ZNF850: variants seen among roughly 807,000 people sequenced by gnomAD.
ZNF850 encodes putative zinc finger protein ENSP00000330994.
A neutral mutation model predicts 11.9 loss-of-function variants in ZNF850; 2 were observed. The ratio of observed to expected loss-of-function variants is 0.17; its 90% CI spans 0.07 to 0.53. The LOEUF (loss-of-function observed/expected upper bound fraction) is 0.53. Ranked by LOEUF, ZNF850 falls within the 20% of genes least tolerant of loss-of-function variation. The probability of loss-of-function intolerance (pLI) is 0.94; values close to 1 mark genes in which losing one functional copy is unlikely to be tolerated. For missense variants in ZNF850, 1,014 were observed against 1,316.4 expected (o/e 0.77, Z 3.55); for synonymous variants, 381 against 443.0 (o/e 0.86, Z 1.76).
At chr19:36,769,322 T>C (rs1199248972) in intron 1 of ZNF850, among the ~76,000 whole-genome samples, 4 of 141,600 alleles carry the variant, frequency 2.8e-5, no homozygotes, top group African/African-American at 1.1e-4. Flanking sequence ...AAATCAGTGA[T>C]AGGTGAGGCA....
At chr19:36,771,733 C>T (rs1252818532) in intron 1 of ZNF850, among the ~76,000 whole-genome samples, 1 of 152,210 alleles carries the variant, frequency 6.6e-6, no homozygotes, top group Non-Finnish European at 1.5e-5. Context: ...CCAAGCTGCA[C>T]CGTTTCGTAA....
rs1035221293 is a variant in ZNF850, at chr19:36,745,260, T to A, written c.*2507A>T. 6.6e-6 allele frequency: 1 copy of A among 152,090 alleles called. No individual in the cohort carries two copies. The highest frequency in any genetic ancestry group is 1.5e-5 in the Non-Finnish European group (1 of 68,024). The allele number at this position is 152,090 out of a possible 1,614,324, so 9.4% of individuals were successfully genotyped here. A position where few individuals can be genotyped will look rare whatever the true frequency, so the allele number is the denominator to read the frequency against. On this transcript the variant is annotated 3_prime_UTR_variant, in exon 5 of 5. Transcript: ENST00000591344. ...AATCAACAGATATGTTTTAGAGAAGTGTTAAATTTTTTAAACGCAAGTGTA... is the reference window on the plus strand; with the variant it reads ...AATCAACAGATATGTTTTAGAGAAGAGTTAAATTTTTTAAACGCAAGTGTA...
rs529897391 is a variant in ZNF850, at chr19:36,763,235, A to G, written c.-69-560T>C. Among the ~76,000 whole-genome samples, 12 of 152,134 alleles carry G rather than the reference A, an allele frequency of 7.9e-5. No homozygotes were observed. In the East Asian group the frequency reaches 1.4e-3, roughly 17 times the overall value. ...AAGACAGGATCTTTCAAAAATATCT[A>G]CAAAAAGTTTAAAAACCTCTATTGG... On this transcript the variant is annotated intron_variant, in intron 1 of 4. Transcript: ENST00000591344.
rs936036043 is a variant in ZNF850, at chr19:36,749,972, C to T, written c.1068G>A (p.Gln356=). 2 of 1,564,072 alleles carry T rather than the reference C, an allele frequency of 1.3e-6. No individual in the cohort carries two copies. The highest frequency in any genetic ancestry group is 2.7e-5 in the African/African-American group (2 of 73,536). Reference sequence around the variant, plus strand: ...AGGGTTTCTCACCAGTGTGAATTCGCTGATGTCGAATTAGTGCTGAGCCTG... The same window carrying T: ...AGGGTTTCTCACCAGTGTGAATTCGTTGATGTCGAATTAGTGCTGAGCCTG... ...FASGSALIRH[Q]RIHTGEKPYD... The change falls in exon 5 of 5, where the codon CAG becomes CAA. Residue 356 remains glutamine, a synonymous_variant. Coordinates refer to ENST00000591344, the MANE Select transcript of ZNF850 (RefSeq NM_001193552.2).
chr19:36,769,544 G>A (rs377084725), intron 1 of ZNF850, among the ~76,000 whole-genome samples: 47 of 152,024 alleles, frequency 3.1e-4, no homozygotes, highest in African/African-American at 1.1e-3. Context: ...AGGCTGCAAT[G>A]AGCCGAGATC....
Position 36,745,660 on chromosome 19 carries a change from A to G in ZNF850, c.*2107T>C, listed in dbSNP as rs1375065722. On this transcript the variant is annotated 3_prime_UTR_variant, in exon 5 of 5. Coordinates refer to ENST00000591344, the MANE Select transcript of ZNF850 (RefSeq NM_001193552.2). ...GCCATTGCACTCCAGCCTGGGCAAC[A>G]AGAGCAAAACTCCATCTCAAAAAAA... 2.0e-5 allele frequency: 3 copies of G among 147,386 alleles called. No homozygotes were observed. The highest frequency in any genetic ancestry group is 7.6e-5 in the African/African-American group (3 of 39,298). 9.1% of individuals were successfully genotyped at this position (147,386 alleles called of 1,614,324 possible).
rs1262096032 is a variant in ZNF850, at chr19:36,762,627, GCAAACCT to G, written c.-28_-22del. 3.3e-6 allele frequency: 5 copies of G among 1,535,702 alleles called. No individual in the cohort carries two copies. The highest frequency in any genetic ancestry group is 1.7e-4 in the Middle Eastern group (1 of 5,984). ...TTCATGAATATTCCTGTTGCAGCCA[GCAAACCT>G]CCTTCATAGAATGGGACATTCCGAA... On this transcript the variant is annotated 5_prime_UTR_variant, in exon 2 of 5. Transcript: ENST00000591344.
At chr19:36,765,421 T>C (rs1323530621) in intron 1 of ZNF850, among the ~76,000 whole-genome samples, 1 of 152,160 alleles carries the variant, frequency 6.6e-6, no homozygotes, top group Non-Finnish European at 1.5e-5. Context: ...GTTTTCTGAA[T>C]ATTACCTTAC....
At chr19:36,763,267 G>A (rs1214481659) in intron 1 of ZNF850, among the ~76,000 whole-genome samples, 6 of 152,126 alleles carry the variant, frequency 3.9e-5, no homozygotes, top group African/African-American at 9.7e-5. Context: ...TTGGCTGGGC[G>A]CGGTGGCTCA....
At position 36,749,490 on chromosome 19, in the gene ZNF850, C is replaced by A. The variant is rs764886973; in HGVS notation, c.1550G>T (p.Gly517Val). The change falls in exon 5 of 5, where the codon GGC becomes GTC. Residue 517 changes from glycine to valine, a missense_variant. Transcript: ENST00000591344. ...TCGCTGATGTTGAAGTAGTGCTGAG[C>A]CAGAAGCAAAAGATTTTCCACATTC... is the stretch of plus-strand genomic sequence containing the variant. ...CKECGKSFAS[G>V]SALLQHQRIH... 1.9e-6 allele frequency: 3 copies of A among 1,546,834 alleles called. No individual in the cohort carries two copies. In the Admixed American group the frequency reaches 5.8e-5, roughly 30 times the overall value.
At chr19:36,771,805 G>A (rs2040585936) in intron 1 of ZNF850, among the ~76,000 whole-genome samples, 1 of 152,196 alleles carries the variant, frequency 6.6e-6, no homozygotes, top group Non-Finnish European at 1.5e-5. Flanking sequence ...TGGGCTGTGC[G>A]AAACATCCTT....
Position 36,748,765 on chromosome 19 carries a change from A to C in ZNF850, c.2275T>G (p.Cys759Gly), listed in dbSNP as rs1040128499. The C allele has an allele frequency of 8.4e-6, 13 of 1,550,794 alleles. No homozygotes were observed. The highest frequency in any genetic ancestry group is 4.3e-6 in the Non-Finnish European group (5 of 1,153,160). ...GTAAAAGATTTCCCACATTCCTTAC[A>C]ATCATAGGGTTTCTCACCAGTGTGA... ...QIHTGEKPYD[C>G]KECGKSFTSH... is the part of the protein sequence containing the mutation. Residue 759 changes from cysteine to glycine, a missense_variant, in exon 5 of 5, where the codon TGT (cysteine) becomes GGT (glycine). Cys to Gly is a radical substitution (Grantham distance 159). Transcript: ENST00000591344.
intron 1 of ZNF850, among the ~76,000 whole-genome samples, chr19:36,765,911 A>C (rs984083231): frequency 1.5e-5 from 2 of 137,612 alleles, no homozygotes; most frequent in Non-Finnish European, 3.1e-5. Context: ...ATTTTTTGAG[A>C]CAAGTCTCAA....
chr19:36,770,934 C>G (rs777647164), intron 1 of ZNF850, among the ~76,000 whole-genome samples: 4 of 151,960 alleles, frequency 2.6e-5, no homozygotes, highest in Non-Finnish European at 5.9e-5. Context: ...ATTGATCGAG[C>G]CCCCAATCTC....
intron 1 of ZNF850, among the ~76,000 whole-genome samples, chr19:36,763,528 G>C (rs944679686): frequency 6.6e-6 from 1 of 151,612 alleles, no homozygotes; most frequent in Non-Finnish European, 1.5e-5. Context: ...TGGGCAATAA[G>C]AGCGAAACTC....
chr19:36,750,924 G>C (rs1442955222), intron 4 of ZNF850, 120 bp from the exon 5 acceptor site: 10 of 1,124,102 alleles, frequency 8.9e-6, no homozygotes, highest in African/African-American at 1.6e-5. Flanking sequence ...AGATGTGTTG[G>C]GCGTGGTGGC....
At chr19:36,770,781 G>C (rs1259836380) in intron 1 of ZNF850, among the ~76,000 whole-genome samples, 1 of 144,136 alleles carries the variant, frequency 6.9e-6, no homozygotes, top group South Asian at 2.2e-4. Flanking sequence ...AGTTGTATGC[G>C]AGGAAATAGG....
At chr19:36,762,005 C>T (rs560948842) in intron 3 of ZNF850, among the ~76,000 whole-genome samples, 2 of 142,880 alleles carry the variant, frequency 1.4e-5, no homozygotes, top group African/African-American at 5.3e-5. Flanking sequence ...GAGATCATGA[C>T]ATTGCACTCC....
At chr19:36,752,347 A>AGCTT (rs1196624318) in intron 4 of ZNF850, among the ~76,000 whole-genome samples, 1 of 152,182 alleles carries the variant, frequency 6.6e-6, no homozygotes, top group Admixed American at 6.5e-5. Flanking sequence ...AAAGCAAAGA[A>AGCTT]GCTTATTCAA....
Sources: gnomAD v4.1 joint callset for allele counts (sites outside exome capture counted in the v4.1 genomes callset) on GRCh38, gnomAD v4.1.1 for gene constraint, MANE v1.5 for transcripts, NCBI Gene and HGNC (gene_info 2026-07-23, HGNC 2026-07-21) for gene names.